The following GAS7 variants were observed in gnomAD, a reference collection of about 807,000 sequenced individuals.
GAS7 encodes the protein growth arrest specific 7, also known as growth arrest-specific protein 7.
Under a neutral mutation model 71.1 loss-of-function variants are expected in GAS7, and 28 were observed. That is an observed-to-expected ratio of 0.39 (90% CI 0.29 to 0.54). The LOEUF (loss-of-function observed/expected upper bound fraction) is 0.54. Among genes scored for constraint, GAS7 ranks in the 20% least tolerant of loss-of-function variants. The pLI, the probability that GAS7 is intolerant of heterozygous loss-of-function variation, is 0.62. For missense variants in GAS7, 436 were observed against 627.8 expected, an observed-to-expected ratio of 0.69 and a Z score of 3.27; for synonymous variants, 258 against 245.8, an observed-to-expected ratio of 1.05 and a Z score of -0.46.
At chr17:9,995,378 T>C (rs1209435334) in intron 2 of GAS7, among the ~76,000 whole-genome samples, 2 of 151,988 alleles carry the variant, frequency 1.3e-5, no homozygotes, top group African/African-American at 4.8e-5. Flanking sequence ...AAAAGAAAGA[T>C]AAAGAGACGA....
intron 1 of GAS7, among the ~76,000 whole-genome samples, chr17:10,155,412 T>A (rs1260238807): frequency 6.6e-6 from 1 of 152,178 alleles, no homozygotes; most frequent in African/African-American, 2.4e-5. Context: ...GATAGCCATG[T>A]TTTCAGGCTC....
At chr17:10,035,935 A>G (rs2072738163) in intron 1 of GAS7, among the ~76,000 whole-genome samples, 2 of 152,142 alleles carry the variant, frequency 1.3e-5, no homozygotes, top group Admixed American at 6.5e-5. Flanking sequence ...TATAGTCCTC[A>G]AATGGCTTTT....
At chr17:10,089,842 A>C (rs939041593) in intron 1 of GAS7, among the ~76,000 whole-genome samples, 1 of 152,206 alleles carries the variant, frequency 6.6e-6, no homozygotes. Context: ...TCTGGAGGCA[A>C]CCACCAGGAG....
chr17:10,096,307 C>G (rs2152258742), intron 1 of GAS7, among the ~76,000 whole-genome samples: 1 of 152,288 alleles, frequency 6.6e-6, no homozygotes, highest in South Asian at 2.1e-4. Context: ...AACCACTTCC[C>G]AAATCCCCTG....
chr17:10,069,392 T>C (rs12601125), intron 1 of GAS7, among the ~76,000 whole-genome samples: 63,165 of 152,128 alleles, frequency 0.42, 13,340 homozygotes, highest in Non-Finnish European at 0.46. Flanking sequence ...TCCTCTTCCA[T>C]GTTGGCCTGT....
At chr17:9,965,277 CCAT>C (rs2069659903) in intron 4 of GAS7, among the ~76,000 whole-genome samples, 1 of 125,968 alleles carries the variant, frequency 7.9e-6, no homozygotes, top group Non-Finnish European at 1.7e-5. Flanking sequence ...ACCCAAATGC[CCAT>C]CAATGATAGA....
chr17:10,127,942 G>T (rs182434219), intron 1 of GAS7, among the ~76,000 whole-genome samples: 1 of 152,334 alleles, frequency 6.6e-6, no homozygotes, highest in East Asian at 1.9e-4. Context: ...CACACACTGA[G>T]TCAGACCCCT....
chr17:9,927,572 T>A (rs917386837), intron 9 of GAS7, among the ~76,000 whole-genome samples: 1 of 152,126 alleles, frequency 6.6e-6, no homozygotes, highest in East Asian at 1.9e-4. Flanking sequence ...ACGGCTTTGT[T>A]CTTATGTCTC....
chr17:10,083,735 A>G (rs560529682), intron 1 of GAS7, among the ~76,000 whole-genome samples: 2 of 152,382 alleles, frequency 1.3e-5, no homozygotes, highest in African/African-American at 4.8e-5. Flanking sequence ...GGCTGGGTCC[A>G]GGGCCTTTTA....
intron 1 of GAS7, among the ~76,000 whole-genome samples, chr17:10,158,422 G>A (rs1029057860): frequency 1.3e-5 from 2 of 150,500 alleles, no homozygotes; most frequent in Non-Finnish European, 2.9e-5. Flanking sequence ...CGAGGTAGGA[G>A]AGTCACTTGA....
Position 9,919,969 on chromosome 17 carries a change from T to TTGTGTGTGTGTGTGTGTGTGTG in GAS7, c.1139-286_1139-265dup, listed in dbSNP as rs34994635. On this transcript the variant is annotated intron_variant, in intron 11 of 13. Transcript: ENST00000432992. This position sits in a 1 kb window ranked among gnomAD's most constrained non-coding sequence, Gnocchi z 5.0. The stretch of plus-strand genomic sequence containing the variant: ...AGGATTCAGGATGGTGGTTCTCATT[T>TTGTGTGTGTGTGTGTGTGTGTG]TGTGTGTGTGTGTGTGTGTGTGTGT... Among the ~76,000 whole-genome samples the TTGTGTGTGTGTGTGTGTGTGTG allele has an allele frequency of 2.3e-5, 3 of 131,396 alleles. No homozygotes were observed. Among genetic ancestry groups the TTGTGTGTGTGTGTGTGTGTGTG allele is most frequent in the Non-Finnish European group, 3.2e-5 (2 of 62,654 alleles). 86.2% of individuals were successfully genotyped at this position (131,396 alleles called of 152,430 possible). A position where few individuals can be genotyped will look rare whatever the true frequency, so the allele number is the denominator to read the frequency against.
chr17:10,136,319 G>A (rs1040614260), intron 1 of GAS7, among the ~76,000 whole-genome samples: 6 of 152,114 alleles, frequency 3.9e-5, no homozygotes, highest in Non-Finnish European at 5.9e-5. Flanking sequence ...TTTCTCCTGG[G>A]GACATCCAAA....
At chr17:9,979,686 C>T (rs1276330213) in intron 3 of GAS7, among the ~76,000 whole-genome samples, 5 of 152,130 alleles carry the variant, frequency 3.3e-5, no homozygotes, top group East Asian at 1.9e-4. Flanking sequence ...GCGAGTCACA[C>T]GTGCTGTCTC....
intron 1 of GAS7, among the ~76,000 whole-genome samples, chr17:10,176,035 CCT>C (rs1242385547): frequency 3.9e-5 from 6 of 152,180 alleles, no homozygotes; most frequent in African/African-American, 7.2e-5. Flanking sequence ...CCTAGGGACC[CCT>C]GAGTCCTGTC....
intron 1 of GAS7, among the ~76,000 whole-genome samples, chr17:10,169,092 T>G (rs2074316072): frequency 6.6e-6 from 1 of 151,108 alleles, no homozygotes; most frequent in Non-Finnish European, 1.5e-5. Context: ...CTGGCCAACA[T>G]GGTGAAACCC....
chr17:10,092,400 G>A (rs907040872), intron 1 of GAS7, among the ~76,000 whole-genome samples: 3 of 152,138 alleles, frequency 2.0e-5, no homozygotes, highest in South Asian at 2.1e-4. Flanking sequence ...GTGAGGGCAG[G>A]GACTGTGTTA....
At chr17:9,985,202 C>T (rs1295896590) in intron 2 of GAS7, among the ~76,000 whole-genome samples, 1 of 152,164 alleles carries the variant, frequency 6.6e-6, no homozygotes, top group Non-Finnish European at 1.5e-5. Context: ...GAAATCCGTC[C>T]ACTCACAGCT....
chr17:10,013,429 T>C (rs2071859521), intron 2 of GAS7, among the ~76,000 whole-genome samples: 1 of 152,146 alleles, frequency 6.6e-6, no homozygotes. Flanking sequence ...CACAGGCAAC[T>C]TTTGGTGGGA....
chr17:10,156,873 CT>C (rs964886899), intron 1 of GAS7, among the ~76,000 whole-genome samples: 1 of 152,062 alleles, frequency 6.6e-6, no homozygotes, highest in African/African-American at 2.4e-5. Flanking sequence ...CTCCTTCAAA[CT>C]CCCCACTGCC....
Sources: allele counts gnomAD v4.1 joint callset (sites outside exome capture counted in the v4.1 genomes callset), GRCh38; gene constraint gnomAD v4.1.1; non-coding constraint Gnocchi (gnomAD v3.1); transcripts MANE v1.5; gene names NCBI Gene and HGNC (gene_info 2026-07-23, HGNC 2026-07-21).